The following TRAPPC9 variants were observed in gnomAD, a reference collection of about 807,000 sequenced individuals.
The protein encoded by TRAPPC9 is trafficking protein particle complex subunit 9.
Under a neutral mutation model 124.0 loss-of-function variants are expected in TRAPPC9, and 83 were observed. The ratio of observed to expected loss-of-function variants is 0.67; its 90% CI spans 0.56 to 0.80. The LOEUF (loss-of-function observed/expected upper bound fraction) is 0.80, where lower values mean the gene tolerates loss of function less well. Among genes scored for constraint, TRAPPC9 ranks in the 30% least tolerant of loss-of-function variants. The probability of loss-of-function intolerance (pLI) is 0.00; values close to 1 mark genes in which losing one functional copy is unlikely to be tolerated. For synonymous variants in TRAPPC9, 638 were observed against 617.5 expected (o/e 1.03, Z -0.49); for missense variants, 1,302 against 1,508.3 (o/e 0.86, Z 2.27).
intron 18 of TRAPPC9, among the ~76,000 whole-genome samples, chr8:140,002,634 T>G (rs992516063): frequency 6.6e-6 from 1 of 152,096 alleles, no homozygotes. Context: ...TACACTAATA[T>G]AGCAGTAAGG....
intron 14 of TRAPPC9, among the ~76,000 whole-genome samples, chr8:140,276,217 C>T (rs1052080803): frequency 3.3e-5 from 5 of 152,192 alleles, no homozygotes; most frequent in African/African-American, 4.8e-5. Context: ...TTAGAAGTAC[C>T]TTGGGAAACT....
intron 21 of TRAPPC9, among the ~76,000 whole-genome samples, chr8:139,880,414 C>G (rs1829605625): frequency 6.6e-6 from 1 of 152,158 alleles, no homozygotes; most frequent in South Asian, 2.1e-4. Flanking sequence ...TCACCTTGAC[C>G]CCTGCTACCC....
chr8:140,212,899 T>TGAAACCC (rs71320346), intron 17 of TRAPPC9, among the ~76,000 whole-genome samples: 1 of 150,386 alleles, frequency 6.6e-6, no homozygotes, highest in African/African-American at 2.4e-5. Flanking sequence ...GCCAACATGG[T>TGAAACCC]CTCTACAAAA....
chr8:139,842,525 C>A (rs550370258), intron 21 of TRAPPC9, among the ~76,000 whole-genome samples: 1 of 152,356 alleles, frequency 6.6e-6, no homozygotes, highest in South Asian at 2.1e-4. Context: ...GCAGCCCTGA[C>A]AAATAAACAC....
intron 6 of TRAPPC9, among the ~76,000 whole-genome samples, chr8:140,404,910 G>A (rs1382605459): frequency 8.7e-4 from 10 of 11,472 alleles, no homozygotes; most frequent in South Asian, 8.3e-3. Context: ...GTGAGCATGC[G>A]TGTGTGTGTG....
intron 6 of TRAPPC9, among the ~76,000 whole-genome samples, chr8:140,403,449 T>C (rs1366055965): frequency 6.6e-6 from 1 of 151,418 alleles, no homozygotes; most frequent in Non-Finnish European, 1.5e-5. Context: ...AAAAAAGATA[T>C]TTCTAAGCAT....
chr8:139,840,740 G>A (rs1439420508), intron 21 of TRAPPC9, among the ~76,000 whole-genome samples: 2 of 152,260 alleles, frequency 1.3e-5, no homozygotes, highest in South Asian at 2.1e-4. Flanking sequence ...GCCCATTCTC[G>A]GATGTGTCAA....
At chr8:140,395,937 C>A (rs1251492589) in intron 7 of TRAPPC9, among the ~76,000 whole-genome samples, 5 of 152,088 alleles carry the variant, frequency 3.3e-5, no homozygotes, top group Non-Finnish European at 5.9e-5. Flanking sequence ...GACCCACAGC[C>A]GGCCGCTGAC....
At chr8:140,165,449 G>C (rs968481153) in intron 17 of TRAPPC9, among the ~76,000 whole-genome samples, 6 of 151,634 alleles carry the variant, frequency 4.0e-5, no homozygotes, top group Non-Finnish European at 7.4e-5. Flanking sequence ...TGAGGCAGGA[G>C]AATCACTTGA....
intron 21 of TRAPPC9, among the ~76,000 whole-genome samples, chr8:139,783,667 T>C (rs1178035573): frequency 4.6e-5 from 7 of 152,228 alleles, no homozygotes. Flanking sequence ...TCCAGCATTA[T>C]CCTGATGCCA....
intron 5 of TRAPPC9, among the ~76,000 whole-genome samples, chr8:140,416,950 C>G (rs2069955016): frequency 6.6e-6 from 1 of 152,124 alleles, no homozygotes; most frequent in African/African-American, 2.4e-5. Flanking sequence ...ACAAACCTGA[C>G]AAAAACAAGC....
intron 16 of TRAPPC9, among the ~76,000 whole-genome samples, chr8:140,247,549 A>C (rs1278827972): frequency 6.6e-6 from 1 of 151,942 alleles, no homozygotes; most frequent in African/African-American, 2.4e-5. Flanking sequence ...CATTCATGCA[A>C]CAGTTTCAAG....
chr8:140,365,925 C>CCT (rs1329906119), intron 8 of TRAPPC9, among the ~76,000 whole-genome samples: 4 of 152,196 alleles, frequency 2.6e-5, no homozygotes, highest in African/African-American at 9.7e-5. Flanking sequence ...CTCCTTCTAC[C>CCT]CTCCACCCTC....
At chr8:140,085,726 G>A (rs370109383) in intron 17 of TRAPPC9, among the ~76,000 whole-genome samples, 5 of 152,196 alleles carry the variant, frequency 3.3e-5, no homozygotes, top group Non-Finnish European at 5.9e-5. Flanking sequence ...TGAGGTCCAC[G>A]CCACCCTGCC....
intron 19 of TRAPPC9, chr8:139,932,292 G>A (rs995442489): frequency 2.2e-6 from 1 of 457,640 alleles, no homozygotes; most frequent in South Asian, 1.5e-5. Flanking sequence ...CACCATGGGA[G>A]AATGTCCCCA....
At chr8:140,294,543 A>G (rs534667483) in intron 11 of TRAPPC9, among the ~76,000 whole-genome samples, 59 of 152,332 alleles carry the variant, frequency 3.9e-4, no homozygotes, top group Middle Eastern at 3.4e-3. Flanking sequence ...GTACACTTAG[A>G]TGGTCCATGT....
At chr8:139,914,407 G>C (rs576204649) in intron 19 of TRAPPC9, among the ~76,000 whole-genome samples, 1 of 152,374 alleles carries the variant, frequency 6.6e-6, no homozygotes, top group Non-Finnish European at 1.5e-5. Context: ...CTTCCAGAGA[G>C]GAAGGGCGGA....
chr8:139,786,739 C>T lies in TRAPPC9; in HGVS notation c.3056-54537G>A, dbSNP rs116253562. ...AATACTACTCAGCAGAACAAAAGAG[C>T]TACCGGGACATGCAAAAACATACCT... On this transcript the variant is annotated intron_variant, in intron 21 of 22. Coordinates refer to ENST00000438773, the MANE Select transcript of TRAPPC9 (RefSeq NM_001160372.4). 2.9e-3 allele frequency among the ~76,000 whole-genome samples: 442 copies of T among 152,308 alleles called. 1 individual carries two copies. Among genetic ancestry groups the T allele is most frequent in the Middle Eastern group, 6.8e-3 (2 of 294 alleles).
intron 17 of TRAPPC9, among the ~76,000 whole-genome samples, chr8:140,172,371 GA>G (rs2061982978): frequency 6.7e-6 from 1 of 149,714 alleles, no homozygotes; most frequent in African/African-American, 2.5e-5. Context: ...AATGGAGGGG[GA>G]GTTAAACTAC....
Sources: gnomAD v4.1 joint callset for allele counts (sites outside exome capture counted in the v4.1 genomes callset) on GRCh38, gnomAD v4.1.1 for gene constraint, MANE v1.5 for transcripts, NCBI Gene and HGNC (gene_info 2026-07-23, HGNC 2026-07-21) for gene names.